MAGI1: variants seen among roughly 807,000 people sequenced by gnomAD.
MAGI1 encodes the protein membrane associated guanylate kinase, WW and PDZ domain containing 1.
In MAGI1, 58 loss-of-function variants were observed where a neutral mutation model predicts 139.9. That is an observed-to-expected ratio of 0.41 (90% CI 0.34 to 0.52). The LOEUF (loss-of-function observed/expected upper bound fraction) is 0.52, where lower values mean the gene tolerates loss of function less well. Ranked by LOEUF, MAGI1 falls within the 20% of genes least tolerant of loss-of-function variation. The pLI is 0.12. For synonymous variants in MAGI1, 812 were observed against 737.9 expected, an observed-to-expected ratio of 1.10 and a Z score of -1.63; for missense variants, 1,874 against 1,901.6, an observed-to-expected ratio of 0.99 and a Z score of 0.27.
At chr3:65,974,387 C>G (rs140848073) in intron 1 of MAGI1, among the ~76,000 whole-genome samples, 1 of 134,118 alleles carries the variant, frequency 7.5e-6, no homozygotes, top group African/African-American at 2.9e-5. Flanking sequence ...GGGCGGGTGG[C>G]TGGGTGGATG....
chr3:65,727,355 A>C lies in MAGI1; in HGVS notation c.314-105267T>G, dbSNP rs527500779. ...GGACTTCAATAAACATTTGAGTTAC[A>C]ATCGAATTATTATATATATAAAGAA... On this transcript the variant is annotated intron_variant, in intron 1 of 22. Transcript: ENST00000402939. Among the ~76,000 whole-genome samples, 88 of 152,304 alleles carry C rather than the reference A, an allele frequency of 5.8e-4. 1 individual carries two copies. The South Asian group carries it at 0.017, about 30-fold the overall frequency.
intron 1 of MAGI1, chr3:65,687,495 C>T (rs1030785013): frequency 7.8e-6 from 3 of 382,392 alleles, no homozygotes; most frequent in Non-Finnish European, 1.6e-5. Context: ...CAGGACCCAG[C>T]TCCTGATTCT....
chr3:65,491,152 G>T (rs894191665), intron 3 of MAGI1, among the ~76,000 whole-genome samples: 1 of 151,996 alleles, frequency 6.6e-6, no homozygotes, highest in Non-Finnish European at 1.5e-5. Context: ...GATATTCTTC[G>T]GGTTTTTAGG....
chr3:65,369,211 G>T (rs770216014), intron 18 of MAGI1, among the ~76,000 whole-genome samples: 20 of 152,154 alleles, frequency 1.3e-4, no homozygotes, highest in Non-Finnish European at 2.5e-4. Flanking sequence ...CCAAGGCTGT[G>T]AAAACACTCC....
intron 1 of MAGI1, among the ~76,000 whole-genome samples, chr3:65,945,396 C>T: frequency 6.6e-6 from 1 of 152,180 alleles, no homozygotes; most frequent in Non-Finnish European, 1.5e-5. Context: ...CTGGGGACCA[C>T]ACATTCATTT....
intron 2 of MAGI1, among the ~76,000 whole-genome samples, chr3:65,612,526 A>G (rs2083177219): frequency 6.6e-6 from 1 of 152,180 alleles, no homozygotes; most frequent in African/African-American, 2.4e-5. Context: ...GTCATTGATC[A>G]TTTTAAAAGT....
chr3:65,889,320 A>AG (rs2060650412), intron 1 of MAGI1, among the ~76,000 whole-genome samples: 1 of 152,228 alleles, frequency 6.6e-6, no homozygotes, highest in Non-Finnish European at 1.5e-5. Context: ...TAAAAAGGCA[A>AG]GAACCCCTTC....
At chr3:65,907,467 G>A (rs1225232063) in intron 1 of MAGI1, among the ~76,000 whole-genome samples, 7 of 152,186 alleles carry the variant, frequency 4.6e-5, no homozygotes, top group Non-Finnish European at 8.8e-5. Flanking sequence ...CCCCACACCC[G>A]CCTTCCCTGG....
At chr3:65,400,736 A>C in intron 13 of MAGI1, among the ~76,000 whole-genome samples, 1 of 144,094 alleles carries the variant, frequency 6.9e-6, no homozygotes, top group African/African-American at 2.6e-5. Context: ...ATTGGAAAGG[A>C]CAGCAAAACA....
chr3:65,729,382 G>T (rs2033963007), intron 1 of MAGI1, among the ~76,000 whole-genome samples: 1 of 152,178 alleles, frequency 6.6e-6, no homozygotes, highest in Non-Finnish European at 1.5e-5. Flanking sequence ...CAAAGTTTGA[G>T]GTTGGCTAAA....
chr3:65,877,859 C>G (rs772284042), intron 1 of MAGI1, among the ~76,000 whole-genome samples: 40 of 152,190 alleles, frequency 2.6e-4, no homozygotes, highest in Middle Eastern at 3.4e-3. Context: ...GTAATTCCAG[C>G]ACTTTGGGAA....
chr3:65,714,661 G>A (rs2031984689), intron 1 of MAGI1, among the ~76,000 whole-genome samples: 1 of 152,036 alleles, frequency 6.6e-6, no homozygotes. Flanking sequence ...ACCGAAGCCT[G>A]ATACTGTCTC....
intron 1 of MAGI1, among the ~76,000 whole-genome samples, chr3:65,854,380 T>A (rs1278519807): frequency 1.3e-5 from 2 of 152,136 alleles, no homozygotes; most frequent in African/African-American, 2.4e-5. Flanking sequence ...GATTTTGCTG[T>A]CCCAGTAAAT....
chr3:65,783,820 A>AAAAAT (rs1160394553), intron 1 of MAGI1, among the ~76,000 whole-genome samples: 1 of 148,524 alleles, frequency 6.7e-6, no homozygotes, highest in African/African-American at 2.5e-5. Flanking sequence ...AAAAAAAAAA[A>AAAAAT]TTAATTTTAA....
chr3:65,718,294 T>C (rs77960074), intron 1 of MAGI1, among the ~76,000 whole-genome samples: 3,420 of 152,238 alleles, frequency 0.022, 126 homozygotes, highest in African/African-American at 0.077. Context: ...ACCTAAGAGA[T>C]AGCTTCCTAA....
At chr3:65,945,821 A>C (rs115900266) in intron 1 of MAGI1, among the ~76,000 whole-genome samples, 2,064 of 152,342 alleles carry the variant, frequency 0.014, 20 homozygotes, top group Non-Finnish European at 0.024. Flanking sequence ...TTGCTCACTT[A>C]AACTTCTTTA....
At position 66,022,820 on chromosome 3, in the gene MAGI1, A is replaced by G. The variant is rs570523971; in HGVS notation, c.313+15176T>C. On this transcript the variant is annotated intron_variant, in intron 1 of 22. Transcript: ENST00000402939. ...ACCTAGAGTTCACTTAGGGTCAGCT[A>G]GAGTGCTCTGCTAATCCTAACTGAA... Among the ~76,000 whole-genome samples the G allele has an allele frequency of 5.3e-5, 8 of 152,336 alleles. No individual in the cohort carries two copies. In the South Asian group the frequency reaches 8.3e-4, roughly 16 times the overall value.
chr3:65,730,393 T>C (rs1187035413), intron 1 of MAGI1, among the ~76,000 whole-genome samples: 2 of 152,188 alleles, frequency 1.3e-5, no homozygotes, highest in Non-Finnish European at 2.9e-5. Flanking sequence ...CCAAGCAACA[T>C]ATCCTCATTT....
chr3:65,539,812 T>G (rs1033007154), intron 2 of MAGI1, among the ~76,000 whole-genome samples: 5 of 152,182 alleles, frequency 3.3e-5, no homozygotes, highest in African/African-American at 1.2e-4. Context: ...TAATTAACCT[T>G]TCACCACAGT....
Sources: allele counts gnomAD v4.1 joint callset (sites outside exome capture counted in the v4.1 genomes callset), GRCh38; gene constraint gnomAD v4.1.1; transcripts MANE v1.5; gene names NCBI Gene and HGNC (gene_info 2026-07-23, HGNC 2026-07-21).